Variants in JAK2 observed in about 807,000 individuals in gnomAD.
The protein encoded by JAK2 is tyrosine-protein kinase JAK2.
Under a neutral mutation model 139.3 loss-of-function variants are expected in JAK2, and 86 were observed. The observed-to-expected ratio is 0.62, with a 90% CI of 0.52 to 0.74. The LOEUF (loss-of-function observed/expected upper bound fraction) is 0.74. Among genes scored for constraint, JAK2 ranks in the 30% least tolerant of loss-of-function variants. The probability of loss-of-function intolerance (pLI) is 0.00; values close to 1 mark genes in which losing one functional copy is unlikely to be tolerated. For synonymous variants in JAK2, 490 were observed against 437.7 expected (o/e 1.12, Z -1.49); for missense variants, 1,421 against 1,360.3 (o/e 1.04, Z -0.70).
chr9:5,119,980 ACTGT>A (rs1388527942), intron 22 of JAK2, among the ~76,000 whole-genome samples: 6 of 152,184 alleles, frequency 3.9e-5, no homozygotes, highest in Non-Finnish European at 8.8e-5. Flanking sequence ...AATAATAAAC[ACTGT>A]CTTAGTCCCT....
intron 4 of JAK2, among the ~76,000 whole-genome samples, chr9:5,042,471 C>G (rs562552978): frequency 6.6e-6 from 1 of 152,128 alleles, no homozygotes; most frequent in Non-Finnish European, 1.5e-5. Flanking sequence ...TGTGTCTAGT[C>G]CTCCCCTCCA....
At position 5,048,973 on chromosome 9, in the gene JAK2, C is replaced by G. The variant is rs189116697; in HGVS notation, c.469-1713C>G. On this transcript the variant is annotated intron_variant, in intron 5 of 24. Transcript: ENST00000381652. The stretch of plus-strand genomic sequence containing the variant: ...GTACTTCTGCTTTCTTTTTCTTTCT[C>G]CCATTACATGTTCAGTCAGATTTAT... Among the ~76,000 whole-genome samples the G allele has an allele frequency of 2.0e-5, 3 of 152,214 alleles. No individual in the cohort carries two copies. In the East Asian group the frequency reaches 5.8e-4, roughly 29 times the overall value.
intron 22 of JAK2, among the ~76,000 whole-genome samples, chr9:5,116,079 G>A (rs966027430): frequency 6.6e-6 from 1 of 151,794 alleles, no homozygotes; most frequent in Admixed American, 6.6e-5. Context: ...AAAAAACAGT[G>A]AACATTTATT....
chr9:5,097,177 C>A (rs577849568), intron 22 of JAK2: 2 of 152,200 alleles, frequency 1.3e-5, no homozygotes, highest in African/African-American at 4.8e-5. Flanking sequence ...AACAAAAAGC[C>A]CCCAGCCATA....
Position 5,090,675 on chromosome 9 carries a change from G to A in JAK2, c.2887-64G>A, listed in dbSNP as rs79385052. 2.0e-4 allele frequency: 305 copies of A among 1,539,274 alleles called. No homozygotes were observed. The African/African-American group carries it at 3.2e-3, about 16-fold the overall frequency. On this transcript the variant is annotated intron_variant, in intron 21 of 24. Transcript: ENST00000381652. ...ATAGATAATAAAGGGAATATATAGG[G>A]TTAAGACCATTTAAATTGTTTATAT...
At chr9:5,044,846 A>G (rs1816888233) in intron 5 of JAK2, among the ~76,000 whole-genome samples, 1 of 152,212 alleles carries the variant, frequency 6.6e-6, no homozygotes, top group African/African-American at 2.4e-5. Flanking sequence ...TGGCTAAAAT[A>G]TTAGTAACAT....
At chr9:5,065,375 A>C (rs190016697) in intron 9 of JAK2, among the ~76,000 whole-genome samples, 4 of 152,208 alleles carry the variant, frequency 2.6e-5, no homozygotes, top group Non-Finnish European at 4.4e-5. Flanking sequence ...CCACAGTGCA[A>C]AATTTGAAAA....
In JAK2 at chr9:5,055,789, G is replaced by A; in HGVS notation, c.1056+1G>A. The A allele has an allele frequency of 6.2e-7, 1 of 1,608,756 alleles. No homozygotes were observed. Among genetic ancestry groups the A allele is most frequent in the Non-Finnish European group, 8.5e-7 (1 of 1,176,626 alleles). On this transcript the variant is annotated splice_donor_variant, in intron 8 of 24. Coordinates refer to ENST00000381652, the MANE Select transcript of JAK2 (RefSeq NM_004972.4). LOFTEE classifies it high-confidence loss of function. ...CCATAAGCAAGATGGTAAAAATCTG[G>A]TAAGTTTGCTTTATGATTGAATAAT...
At chr9:5,046,755 G>A (rs887823190) in intron 5 of JAK2, among the ~76,000 whole-genome samples, 2 of 152,136 alleles carry the variant, frequency 1.3e-5, no homozygotes, top group African/African-American at 4.8e-5. Flanking sequence ...TATGAAAAGA[G>A]AGGGGAATGG....
chr9:5,053,701 G>T (rs1817572596), intron 6 of JAK2, among the ~76,000 whole-genome samples: 1 of 152,014 alleles, frequency 6.6e-6, no homozygotes, highest in South Asian at 2.1e-4. Context: ...GCTGTGGCCA[G>T]AAGGAAATGT....
At chr9:5,089,978 G>A in intron 20 of JAK2, 115 bp downstream of exon 20, 1 of 571,072 alleles carries the variant, frequency 1.8e-6, no homozygotes, top group Non-Finnish European at 2.7e-6. Context: ...AGAGGGAGAG[G>A]CATTCTATAA....
At chr9:4,991,379 G>A (rs10758670) in intron 2 of JAK2, among the ~76,000 whole-genome samples, 51,394 of 151,914 alleles carry the variant, frequency 0.34, 8,988 homozygotes, top group East Asian at 0.54. Flanking sequence ...TTACTAAGTG[G>A]TTTTAGTTTA....
At chr9:5,024,344 A>T (rs1822639890) in intron 3 of JAK2, among the ~76,000 whole-genome samples, 2 of 152,058 alleles carry the variant, frequency 1.3e-5, no homozygotes, top group South Asian at 4.1e-4. Flanking sequence ...GACAGATTTT[A>T]TTGAATTCCT....
chr9:5,040,026 G>A (rs1014332084), intron 4 of JAK2, among the ~76,000 whole-genome samples: 4 of 152,096 alleles, frequency 2.6e-5, no homozygotes, highest in African/African-American at 9.7e-5. Context: ...ACAATACAAA[G>A]TTTGAAGACT....
intron 5 of JAK2, 59 bp from the exon 6 acceptor site, chr9:5,050,627 G>C: frequency 6.7e-7 from 1 of 1,487,320 alleles, no homozygotes; most frequent in Non-Finnish European, 9.3e-7. Flanking sequence ...TATAATCATA[G>C]ATTAAAACAT....
rs974751786 is a variant in JAK2 at position 5,086,349 on chromosome 9, T to C, written c.2572-3325T>C. ...TACCTTCTCGCTTCACTCCTAGCGG[T>C]TTTGAAATCCTCTTTATTCCTTTTT... On this transcript the variant is annotated intron_variant, in intron 19 of 24. Transcript: ENST00000381652. 8.6e-5 allele frequency among the ~76,000 whole-genome samples: 13 copies of C among 152,040 alleles called. No individual in the cohort carries two copies. The East Asian group carries it at 1.7e-3, about 20-fold the overall frequency.
intron 8 of JAK2, among the ~76,000 whole-genome samples, chr9:5,060,947 T>C (rs1390730502): frequency 1.3e-5 from 2 of 152,208 alleles, no homozygotes; most frequent in Non-Finnish European, 2.9e-5. Context: ...TGTCACCAGG[T>C]CTGAAAATAA....
chr9:5,121,856 T>A (rs1696017923), intron 22 of JAK2, among the ~76,000 whole-genome samples: 1 of 152,130 alleles, frequency 6.6e-6, no homozygotes, highest in African/African-American at 2.4e-5. Flanking sequence ...GAAATTACAA[T>A]GAGTGCTATA....
At chr9:5,099,541 C>A (rs531385139) in intron 22 of JAK2, 3 of 152,216 alleles carry the variant, frequency 2.0e-5, no homozygotes, top group Middle Eastern at 3.4e-3. Flanking sequence ...CACAAAAACA[C>A]AAGGCTTCCT....
Sources: allele counts gnomAD v4.1 joint callset (sites outside exome capture counted in the v4.1 genomes callset), GRCh38; gene constraint gnomAD v4.1.1; transcripts MANE v1.5; gene names NCBI Gene and HGNC (gene_info 2026-07-23, HGNC 2026-07-21).